Variants in CHL1 observed in about 807,000 individuals in gnomAD.
The protein encoded by CHL1 is neural cell adhesion molecule L1-like protein.
Under a neutral mutation model 141.9 loss-of-function variants are expected in CHL1, and 96 were observed. That is an observed-to-expected ratio of 0.68 (90% CI 0.57 to 0.80). The LOEUF is 0.80. CHL1 is among the 30% of genes least tolerant of loss of function. CHL1 has a pLI of 0.00. For missense variants in CHL1, 1,820 were observed against 1,457.2 expected (o/e 1.25, Z -4.05); for synonymous variants, 613 against 502.2 (o/e 1.22, Z -2.95).
intron 18 of CHL1, among the ~76,000 whole-genome samples, chr3:383,062 C>T (rs1227148821): frequency 1.3e-5 from 2 of 152,052 alleles, no homozygotes; most frequent in Non-Finnish European, 2.9e-5. Context: ...TTCCAAGATG[C>T]GTTTGAAAAA....
At chr3:222,989 C>T (rs913810171) in intron 1 of CHL1, among the ~76,000 whole-genome samples, 27 of 152,128 alleles carry the variant, frequency 1.8e-4, no homozygotes, top group Admixed American at 1.1e-3. Context: ...GACCCTCCAG[C>T]TTCTCTTGTG....
At chr3:243,513 C>G (rs569010464) in intron 1 of CHL1, among the ~76,000 whole-genome samples, 1 of 152,260 alleles carries the variant, frequency 6.6e-6, no homozygotes, top group South Asian at 2.1e-4. Context: ...AGGACACAGT[C>G]TGTGCAGTGT....
At chr3:285,894 G>C (rs1363255328) in intron 2 of CHL1, among the ~76,000 whole-genome samples, 2 of 152,116 alleles carry the variant, frequency 1.3e-5, no homozygotes, top group East Asian at 1.9e-4. Context: ...TGCAATGAGA[G>C]AGAAAGCAGT....
chr3:234,027 G>T (rs992464631), intron 1 of CHL1, among the ~76,000 whole-genome samples: 1 of 151,944 alleles, frequency 6.6e-6, no homozygotes, highest in Non-Finnish European at 1.5e-5. Context: ...GAGATAAATA[G>T]CATATCATTT....
chr3:306,914 C>A lies in CHL1; in HGVS notation c.-94-12769C>A, dbSNP rs144628324. Among the ~76,000 whole-genome samples the A allele has an allele frequency of 4.6e-4, 70 of 152,208 alleles. 1 individual carries two copies. The highest frequency in any genetic ancestry group is 1.6e-3 in the African/African-American group (66 of 41,544). On this transcript the variant is annotated intron_variant, in intron 2 of 27. Coordinates refer to ENST00000256509, the MANE Select transcript of CHL1 (RefSeq NM_006614.4). The stretch of plus-strand genomic sequence containing the variant: ...AGATCCTTAAGTGCCTTTTGATGAG[C>A]AAAGAAAAATAAAATCATATTCAAG...
At chr3:350,621 G>C (rs182860080) in intron 10 of CHL1, among the ~76,000 whole-genome samples, 5 of 151,216 alleles carry the variant, frequency 3.3e-5, no homozygotes, top group Non-Finnish European at 5.9e-5. Context: ...AAAAAAAAAG[G>C]ACTCAGACAC....
Position 382,678 on chromosome 3 carries a change from A to G in CHL1, c.2176+7A>G. On this transcript the variant is annotated splice_region_variant and intron_variant, in intron 18 of 27. Coordinates refer to ENST00000256509, the MANE Select transcript of CHL1 (RefSeq NM_006614.4). ...CATGAAACACCACCAGCAGGTATGC[A>G]GGTTCTCACATCAGGTTTCTAACAA... The G allele has an allele frequency of 6.2e-7, 1 of 1,609,736 alleles. No homozygotes were observed. Among genetic ancestry groups the G allele is most frequent in the South Asian group, 1.1e-5 (1 of 90,980 alleles).
At chr3:255,948 G>C (rs1361522853) in intron 2 of CHL1, among the ~76,000 whole-genome samples, 4 of 152,198 alleles carry the variant, frequency 2.6e-5, no homozygotes, top group African/African-American at 9.6e-5. Context: ...TCTGTGGATT[G>C]AGGATATTTC....
intron 5 of CHL1, among the ~76,000 whole-genome samples, chr3:334,542 T>C (rs1421925496): frequency 2.0e-5 from 3 of 152,250 alleles, no homozygotes; most frequent in African/African-American, 7.2e-5. Context: ...GTATATGGTC[T>C]TTTTCATATG....
At chr3:210,943 T>C (rs929944760) in intron 1 of CHL1, among the ~76,000 whole-genome samples, 3 of 152,212 alleles carry the variant, frequency 2.0e-5, no homozygotes, top group Admixed American at 2.0e-4. Context: ...AGGCGTCCAG[T>C]TGGCTGAGAA....
chr3:227,989 C>G (rs918467854), intron 1 of CHL1, among the ~76,000 whole-genome samples: 4 of 152,192 alleles, frequency 2.6e-5, no homozygotes, highest in Non-Finnish European at 4.4e-5. Flanking sequence ...ATCTCTGTGT[C>G]TGTCTGTCTG....
At position 406,560 on chromosome 3, in the gene CHL1, C is replaced by T. The variant is rs1220041538; in HGVS notation, c.*849C>T. ...AAATTGACTGCTTTTACCTTTTTCTCATGTTTATATAATGGTATGCTTGCA... is the reference window on the plus strand; with the variant it reads ...AAATTGACTGCTTTTACCTTTTTCTTATGTTTATATAATGGTATGCTTGCA... On this transcript the variant is annotated 3_prime_UTR_variant, in exon 28 of 28. Coordinates refer to ENST00000256509, the MANE Select transcript of CHL1 (RefSeq NM_006614.4). 1 of 151,980 alleles carries T rather than the reference C, an allele frequency of 6.6e-6. No individual in the cohort carries two copies. The highest frequency in any genetic ancestry group is 1.5e-5 in the Non-Finnish European group (1 of 67,978). The allele number at this position is 151,980 out of a possible 1,614,324, so 9.4% of individuals were successfully genotyped here. A position where few individuals can be genotyped will look rare whatever the true frequency, so the allele number is the denominator to read the frequency against.
At chr3:208,298 C>G (rs899285091) in intron 1 of CHL1, among the ~76,000 whole-genome samples, 1 of 147,716 alleles carries the variant, frequency 6.8e-6, no homozygotes, top group East Asian at 1.9e-4. Flanking sequence ...CTTAAAAACC[C>G]ATTACTGTAT....
chr3:203,193 C>T (rs966520919), intron 1 of CHL1, among the ~76,000 whole-genome samples: 2 of 152,198 alleles, frequency 1.3e-5, no homozygotes, highest in Non-Finnish European at 2.9e-5. Flanking sequence ...ATATAGGAGC[C>T]AAACCAATGT....
At chr3:310,315 C>A (rs2124976718) in intron 2 of CHL1, among the ~76,000 whole-genome samples, 1 of 151,920 alleles carries the variant, frequency 6.6e-6, no homozygotes, top group Middle Eastern at 3.4e-3. Flanking sequence ...CCTATAGTAT[C>A]CCAGCTACTA....
At chr3:240,887 G>C (rs1420552469) in intron 1 of CHL1, among the ~76,000 whole-genome samples, 1 of 152,110 alleles carries the variant, frequency 6.6e-6, no homozygotes, top group Non-Finnish European at 1.5e-5. Context: ...TGTTTGCTTT[G>C]TAGAAGATCA....
chr3:370,406 G>T (rs1705476409), intron 15 of CHL1, among the ~76,000 whole-genome samples: 1 of 152,012 alleles, frequency 6.6e-6, no homozygotes, highest in South Asian at 2.1e-4. Flanking sequence ...AGTATTCTTT[G>T]ATGGTAGTTT....
At chr3:235,834 G>A (rs954262199) in intron 1 of CHL1, among the ~76,000 whole-genome samples, 4 of 151,984 alleles carry the variant, frequency 2.6e-5, no homozygotes, top group East Asian at 1.9e-4. Context: ...GATTTCTTTC[G>A]GTATACTATC....
chr3:380,954 A>G lies in CHL1; in HGVS notation c.1877-1225A>G, dbSNP rs181993332. 1.1e-4 allele frequency among the ~76,000 whole-genome samples: 17 copies of G among 152,336 alleles called. No homozygotes were observed. In the East Asian group the frequency reaches 3.1e-3, roughly 28 times the overall value. On this transcript the variant is annotated intron_variant, in intron 16 of 27. Transcript: ENST00000256509. ...ATTCTTGGAGATGAATCAGGCATAT[A>G]AACAAATATGTACTGGACAAACAGA...
Sources: allele counts gnomAD v4.1 joint callset (sites outside exome capture counted in the v4.1 genomes callset), GRCh38; gene constraint gnomAD v4.1.1; transcripts MANE v1.5; gene names NCBI Gene and HGNC (gene_info 2026-07-23, HGNC 2026-07-21).